The following MYL4 variants were observed in gnomAD, a reference collection of about 807,000 sequenced individuals.
MYL4 encodes the protein myosin light chain 4.
In MYL4, 16 loss-of-function variants were observed where a neutral mutation model predicts 21.6. The observed-to-expected ratio is 0.74, with a 90% CI of 0.50 to 1.12. The LOEUF is 1.12. MYL4 is among the 50% of genes most tolerant of loss of function. The pLI is 0.00. For missense variants in MYL4, 249 were observed against 252.9 expected, an observed-to-expected ratio of 0.98 and a Z score of 0.11; for synonymous variants, 82 against 95.7, an observed-to-expected ratio of 0.86 and a Z score of 0.83.
At chr17:47,211,915 C>T (rs1456609010) in intron 1 of MYL4, among the ~76,000 whole-genome samples, 3 of 152,134 alleles carry the variant, frequency 2.0e-5, no homozygotes, top group Non-Finnish European at 4.4e-5. Flanking sequence ...AGGTAACATA[C>T]AAGATCTTAA....
At chr17:47,225,855 C>CT (rs60342000), downstream of MYL4, among the ~76,000 whole-genome samples, 33,225 of 112,808 alleles carry the variant, frequency 0.29, 4,635 homozygotes, top group South Asian at 0.36. Context: ...TCCTTCCCTT[C>CT]TTTTTTTTTT....
chr17:47,213,364 G>A (rs1268391797), intron 1 of MYL4, among the ~76,000 whole-genome samples: 1 of 152,134 alleles, frequency 6.6e-6, no homozygotes, highest in Non-Finnish European at 1.5e-5. Context: ...ACCAAAATCT[G>A]AGGATGCTCA....
chr17:47,204,210 A>G (rs191001532), upstream of MYL4, among the ~76,000 whole-genome samples: 1 of 152,248 alleles, frequency 6.6e-6, no homozygotes, highest in Admixed American at 6.5e-5. Context: ...GAACCCTGAG[A>G]GCTCCTTTTC....
chr17:47,206,616 A>C (rs940611461), upstream of MYL4, among the ~76,000 whole-genome samples: 1 of 152,162 alleles, frequency 6.6e-6, no homozygotes, highest in Admixed American at 6.5e-5. Context: ...AAGGAGCTCC[A>C]AGGTCTGGCC....
chr17:47,206,770 G>A (rs1191633720), upstream of MYL4, among the ~76,000 whole-genome samples: 3 of 152,192 alleles, frequency 2.0e-5, no homozygotes, highest in Non-Finnish European at 4.4e-5. Flanking sequence ...CCCAGAGAGA[G>A]GAAGTGGCTG....
chr17:47,212,068 T>C (rs2064779919), intron 1 of MYL4, among the ~76,000 whole-genome samples: 1 of 151,986 alleles, frequency 6.6e-6, no homozygotes, highest in Non-Finnish European at 1.5e-5. Flanking sequence ...CTACTAAAAA[T>C]ACAAAAATTA....
At position 47,209,477 on chromosome 17, in the gene MYL4, C is replaced by T; in HGVS notation, c.55C>T (p.Pro19Ser). The change falls in exon 1 of 7, where the codon CCA (proline) becomes TCA (serine). Residue 19 changes from proline (P) to serine (S), a missense_variant. By Grantham distance (74) the Pro-to-Ser change is moderately conservative. Coordinates refer to ENST00000393450, the MANE Select transcript of MYL4 (RefSeq NM_002476.2). ...GGAGGCAGCCAAGCCAGCTCCAGCTCCAGCTCCAGCCCCTGCACCAGCCCC... is the reference window on the plus strand; with the variant it reads ...GGAGGCAGCCAAGCCAGCTCCAGCTTCAGCTCCAGCCCCTGCACCAGCCCC... ...KKEAAKPAPAPAPAPAPAPAP... is the reference protein window; with the variant it reads ...KKEAAKPAPASAPAPAPAPAP... 6.2e-7 allele frequency: 1 copy of T among 1,614,238 alleles called. No homozygotes were observed. The highest frequency in any genetic ancestry group is 1.7e-5 in the Admixed American group (1 of 60,024).
chr17:47,194,427 G>C, the MYL4 span, among the ~76,000 whole-genome samples: 1 of 152,206 alleles, frequency 6.6e-6, no homozygotes, highest in Admixed American at 6.5e-5. Flanking sequence ...AGGAAGGCCA[G>C]AGTGCTCTTC....
At chr17:47,205,313 T>C (rs2064723373), upstream of MYL4, among the ~76,000 whole-genome samples, 1 of 152,196 alleles carries the variant, frequency 6.6e-6, no homozygotes, top group South Asian at 2.1e-4. Flanking sequence ...CATACTTGCC[T>C]CTTCACACTA....
Position 47,209,494 on chromosome 17 carries a change from A to ACCAGCCCCTGCC in MYL4, c.78_89dup (p.Ala28_Pro31dup), listed in dbSNP as rs1313882175. On this transcript the variant is annotated inframe_insertion, in exon 1 of 7. Transcript: ENST00000393450. Reference sequence around the variant, plus strand: ...CTCCAGCTCCAGCTCCAGCCCCTGCACCAGCCCCTGCCCCAGCTCCTGAGG... The same window carrying ACCAGCCCCTGCC: ...CTCCAGCTCCAGCTCCAGCCCCTGCACCAGCCCCTGCCCCAGCCCCTGCCCCAGCTCCTGAGG... 5.6e-6 allele frequency: 9 copies of ACCAGCCCCTGCC among 1,614,030 alleles called. No individual in the cohort carries two copies. The East Asian group carries it at 1.8e-4, about 32-fold the overall frequency.
At chr17:47,207,365 T>C (rs2064734117), upstream of MYL4, among the ~76,000 whole-genome samples, 1 of 152,178 alleles carries the variant, frequency 6.6e-6, no homozygotes, top group African/African-American at 2.4e-5. Context: ...TAGCTGAATG[T>C]CTTGAGGCAA....
At chr17:47,191,609 T>G in the MYL4 span, among the ~76,000 whole-genome samples, 1 of 152,156 alleles carries the variant, frequency 6.6e-6, no homozygotes. Flanking sequence ...TAGCTGGGAT[T>G]GCAGGTGCGC....
At chr17:47,192,411 AG>A in the MYL4 span, among the ~76,000 whole-genome samples, 2 of 151,708 alleles carry the variant, frequency 1.3e-5, no homozygotes, top group Admixed American at 1.3e-4. Context: ...GCACTTTAGG[AG>A]GCCAAGGCGG....
At chr17:47,216,437 C>T (rs2064815261) in intron 2 of MYL4, among the ~76,000 whole-genome samples, 1 of 151,842 alleles carries the variant, frequency 6.6e-6, no homozygotes, top group Non-Finnish European at 1.5e-5. Context: ...GTCTCCTTCT[C>T]TTCCTCCTTC....
chr17:47,211,905 A>T (rs556687878), intron 1 of MYL4, among the ~76,000 whole-genome samples: 3 of 152,134 alleles, frequency 2.0e-5, no homozygotes, highest in Non-Finnish European at 2.9e-5. Flanking sequence ...AAGGACCACG[A>T]GGTAACATAC....
chr17:47,207,231 G>A (rs1322329986), upstream of MYL4, among the ~76,000 whole-genome samples: 2 of 152,124 alleles, frequency 1.3e-5, no homozygotes, highest in East Asian at 3.8e-4. Context: ...CGTTTCCTTT[G>A]AGGGCTTCTC....
intron 2 of MYL4, among the ~76,000 whole-genome samples, chr17:47,218,195 T>G (rs1237958438): frequency 6.6e-6 from 1 of 152,082 alleles, no homozygotes; most frequent in Non-Finnish European, 1.5e-5. Flanking sequence ...GTGAAAGAAA[T>G]GTGGTTTTAT....
At chr17:47,206,265 C>T (rs2064727876), upstream of MYL4, among the ~76,000 whole-genome samples, 5 of 151,968 alleles carry the variant, frequency 3.3e-5, no homozygotes, top group Admixed American at 3.3e-4. Flanking sequence ...TTTCTAACCT[C>T]ATAGCTCTGT....
chr17:47,195,589 T>A (rs1011590900), upstream of MYL4, among the ~76,000 whole-genome samples: 6 of 152,058 alleles, frequency 3.9e-5, no homozygotes, highest in African/African-American at 1.4e-4. Context: ...CAACTCCTGA[T>A]CTCAGGTGAT....
Sources: allele counts gnomAD v4.1 joint callset (sites outside exome capture counted in the v4.1 genomes callset), GRCh38; gene constraint gnomAD v4.1.1; transcripts MANE v1.5; gene names NCBI Gene and HGNC (gene_info 2026-07-23, HGNC 2026-07-21).